GPM6A: variants seen among roughly 807,000 people sequenced by gnomAD.
The protein encoded by GPM6A is glycoprotein M6A, also known as neuronal membrane glycoprotein M6-a.
Under a neutral mutation model 32.1 loss-of-function variants are expected in GPM6A, and 7 were observed. The observed-to-expected ratio is 0.22, with a 90% CI of 0.12 to 0.41. The LOEUF (loss-of-function observed/expected upper bound fraction) is 0.41, where lower values mean the gene tolerates loss of function less well. Among genes scored for constraint, GPM6A ranks in the 10% least tolerant of loss-of-function variants. The pLI is 1.00. For missense variants in GPM6A, 235 were observed against 347.2 expected, an observed-to-expected ratio of 0.68 and a Z score of 2.57; for synonymous variants, 130 against 123.4, an observed-to-expected ratio of 1.05 and a Z score of -0.35.
intron 1 of GPM6A, among the ~76,000 whole-genome samples, chr4:175,996,968 C>A (rs534258409): frequency 1.3e-5 from 2 of 152,136 alleles, no homozygotes; most frequent in Non-Finnish European, 1.5e-5. Context: ...TTGGAACATT[C>A]ATTCTTGGGA....
intron 1 of GPM6A, among the ~76,000 whole-genome samples, chr4:175,781,829 T>C (rs1190057840): frequency 4.6e-5 from 7 of 152,228 alleles, no homozygotes; most frequent in Non-Finnish European, 4.4e-5. Flanking sequence ...CCTTTGAATG[T>C]ATACTCATGA....
chr4:175,694,746 C>T (rs1449161870), intron 2 of GPM6A, among the ~76,000 whole-genome samples: 1 of 151,952 alleles, frequency 6.6e-6, no homozygotes, highest in Non-Finnish European at 1.5e-5. Flanking sequence ...TTCAAGCAGG[C>T]TGCAGAAATT....
intron 3 of GPM6A, 59 bp from the exon 4 acceptor site, chr4:175,652,046 G>C (rs1741840003): frequency 4.4e-6 from 6 of 1,356,602 alleles, no homozygotes; most frequent in Non-Finnish European, 6.1e-6. Flanking sequence ...GAAGAATTTT[G>C]TGTTTAATCT....
At chr4:175,817,689 T>C (rs1462975030) in intron 1 of GPM6A, among the ~76,000 whole-genome samples, 2 of 152,140 alleles carry the variant, frequency 1.3e-5, no homozygotes, top group Non-Finnish European at 2.9e-5. Flanking sequence ...AAAGATATTC[T>C]GAACAGTTGA....
intron 1 of GPM6A, among the ~76,000 whole-genome samples, chr4:175,915,424 T>G (rs1738461276): frequency 6.6e-6 from 1 of 152,020 alleles, no homozygotes. Context: ...GTATCTGGGA[T>G]TACAGGCACC....
intron 1 of GPM6A, among the ~76,000 whole-genome samples, chr4:175,739,584 G>T (rs1731797892): frequency 1.3e-5 from 2 of 152,034 alleles, no homozygotes; most frequent in Admixed American, 6.6e-5. Flanking sequence ...TGCAAAGATT[G>T]GTAGAATGGC....
chr4:175,988,767 G>C (rs1741051319), intron 1 of GPM6A, among the ~76,000 whole-genome samples: 1 of 152,158 alleles, frequency 6.6e-6, no homozygotes, highest in South Asian at 2.1e-4. Context: ...AAACTTTCAG[G>C]ATGGTAAAGT....
intron 1 of GPM6A, among the ~76,000 whole-genome samples, chr4:175,946,779 G>A (rs1249833379): frequency 6.6e-6 from 1 of 152,114 alleles, no homozygotes; most frequent in African/African-American, 2.4e-5. Flanking sequence ...GAGCATTCTG[G>A]GGCTTGGATT....
rs73018192 is a variant in GPM6A, at chr4:175,670,140, A to C, written c.387+3540T>G. Among the ~76,000 whole-genome samples the C allele has an allele frequency of 9.1e-4, 139 of 152,334 alleles. 1 individual carries two copies. The highest frequency in any genetic ancestry group is 3.1e-3 in the African/African-American group (128 of 41,574). ...TGGTAGCCCTAGCAAACTAGTAAAC[A>C]CACTTCCAAAAGTTATTATTGTTTT... On this transcript the variant is annotated intron_variant, in intron 3 of 6. Coordinates refer to ENST00000393658, the MANE Select transcript of GPM6A (RefSeq NM_201591.3).
intron 1 of GPM6A, among the ~76,000 whole-genome samples, chr4:175,713,723 G>C (rs1477427685): frequency 6.6e-6 from 1 of 152,074 alleles, no homozygotes; most frequent in Non-Finnish European, 1.5e-5. Flanking sequence ...AAACAAATCA[G>C]TTACTAATTT....
chr4:175,770,451 C>T (rs1030230355), intron 1 of GPM6A, among the ~76,000 whole-genome samples: 3 of 152,142 alleles, frequency 2.0e-5, no homozygotes, highest in Admixed American at 6.5e-5. Context: ...CCATATAATT[C>T]GTGTTAGTAA....
intron 1 of GPM6A, among the ~76,000 whole-genome samples, chr4:175,712,830 C>T (rs1745631611): frequency 6.6e-6 from 1 of 152,190 alleles, no homozygotes; most frequent in Non-Finnish European, 1.5e-5. Flanking sequence ...AAAATATGGT[C>T]TCTACTCTGT....
At chr4:176,000,009 T>C (rs1447906501) in intron 1 of GPM6A, among the ~76,000 whole-genome samples, 3 of 152,198 alleles carry the variant, frequency 2.0e-5, no homozygotes, top group Non-Finnish European at 4.4e-5. Context: ...TTCCCCACTT[T>C]GCCCCTCTTA....
chr4:175,951,009 CT>C (rs1228711139), intron 1 of GPM6A, among the ~76,000 whole-genome samples: 1 of 151,962 alleles, frequency 6.6e-6, no homozygotes, highest in African/African-American at 2.4e-5. Flanking sequence ...TTTAGAAAGC[CT>C]TTTTGGTTAT....
intron 1 of GPM6A, among the ~76,000 whole-genome samples, chr4:175,917,660 G>A (rs1738537004): frequency 6.6e-6 from 1 of 152,072 alleles, no homozygotes; most frequent in Admixed American, 6.6e-5. Context: ...ATGGGGAGGG[G>A]GTTGTCAAAA....
chr4:175,884,960 A>G (rs1275130901), intron 1 of GPM6A, among the ~76,000 whole-genome samples: 1 of 152,226 alleles, frequency 6.6e-6, no homozygotes, highest in African/African-American at 2.4e-5. Context: ...TGGCAGAGAT[A>G]GCCAATACTA....
intron 1 of GPM6A, among the ~76,000 whole-genome samples, chr4:175,942,148 A>T (rs867147333): frequency 8.5e-4 from 130 of 152,128 alleles, no homozygotes; most frequent in African/African-American, 2.9e-3. Context: ...GAGCTTTTTT[A>T]AATATGTTTG....
At chr4:175,647,211 T>C (rs2110905183) in intron 4 of GPM6A, among the ~76,000 whole-genome samples, 1 of 152,346 alleles carries the variant, frequency 6.6e-6, no homozygotes, top group African/African-American at 2.4e-5. Flanking sequence ...TCTCTCTGTG[T>C]TGGCTCTTAA....
chr4:175,855,531 T>C (rs114540965), intron 1 of GPM6A, among the ~76,000 whole-genome samples: 352 of 152,288 alleles, frequency 2.3e-3, no homozygotes, highest in African/African-American at 8.0e-3. Flanking sequence ...CTATGAGACA[T>C]AAGGCAAAAG....
Sources: allele counts gnomAD v4.1 joint callset (sites outside exome capture counted in the v4.1 genomes callset), GRCh38; gene constraint gnomAD v4.1.1; transcripts MANE v1.5; gene names NCBI Gene and HGNC (gene_info 2026-07-23, HGNC 2026-07-21).